Variants in GCNT1 observed in about 807,000 individuals in gnomAD.
The protein encoded by GCNT1 is beta-1,3-galactosyl-O-glycosyl-glycoprotein beta-1,6-N-acetylglucosaminyltransferase.
A neutral mutation model predicts 26.2 loss-of-function variants in GCNT1; 16 were observed. The observed-to-expected ratio is 0.61, with a 90% confidence interval of 0.41 to 0.93. The LOEUF (loss-of-function observed/expected upper bound fraction) is 0.93, where lower values mean the gene tolerates loss of function less well. Among genes scored for constraint, GCNT1 ranks in the 40% least tolerant of loss-of-function variants. The probability of loss-of-function intolerance (pLI) is 0.00; values close to 1 mark genes in which losing one functional copy is unlikely to be tolerated. For missense variants in GCNT1, 477 were observed against 526.7 expected, an observed-to-expected ratio of 0.91 and a Z score of 0.92; for synonymous variants, 183 against 190.8, an observed-to-expected ratio of 0.96 and a Z score of 0.34.
At chr9:76,394,167 C>T in the GCNT1 span, 4 of 1,603,906 alleles carry the variant, frequency 2.5e-6, no homozygotes, top group Non-Finnish European at 3.4e-6. Flanking sequence ...AGGCAGGTGC[C>T]TCATAATGCA....
At chr9:76,430,543 G>A (rs1052876980) in intron 1 of GCNT1, among the ~76,000 whole-genome samples, 2 of 151,662 alleles carry the variant, frequency 1.3e-5, no homozygotes, top group African/African-American at 4.8e-5. Context: ...CACCATGTTC[G>A]ACTAATTTTT....
At chr9:76,406,287 G>T in the GCNT1 span, among the ~76,000 whole-genome samples, 9 of 152,082 alleles carry the variant, frequency 5.9e-5, no homozygotes, top group Admixed American at 2.6e-4. Context: ...TCGAGCCCAG[G>T]AGTTCAAGAC....
Position 76,502,263 on chromosome 9 carries a change from G to A in GCNT1, c.-119G>A, listed in dbSNP as rs955819348. 7.6e-5 allele frequency: 40 copies of A among 523,236 alleles called. No individual in the cohort carries two copies. The highest frequency in any genetic ancestry group is 2.9e-4 in the Middle Eastern group (1 of 3,476). The allele number at this position is 523,236 out of a possible 1,614,324, so 32.4% of individuals were successfully genotyped here. A position where few individuals can be genotyped will look rare whatever the true frequency, so the allele number is the denominator to read the frequency against. The stretch of plus-strand genomic sequence containing the variant: ...GTGCTGCTCTTCATTTCAAGATGCC[G>A]TTGCAGCTCTGATAAATGCAAACTG... On this transcript the variant is annotated 5_prime_UTR_variant, in exon 4 of 4. Transcript: ENST00000376730.
the GCNT1 span, among the ~76,000 whole-genome samples, chr9:76,414,490 G>A: frequency 6.6e-6 from 1 of 152,176 alleles, no homozygotes; most frequent in Non-Finnish European, 1.5e-5. Flanking sequence ...TGAAACAAAA[G>A]AATGGCTATT....
chr9:76,432,632 G>A (rs745692295), intron 1 of GCNT1, among the ~76,000 whole-genome samples: 2 of 152,136 alleles, frequency 1.3e-5, no homozygotes, highest in African/African-American at 2.4e-5. Flanking sequence ...GCTCCACTGT[G>A]CCCATCCTTA....
At chr9:76,450,946 G>A (rs527975587) in intron 1 of GCNT1, among the ~76,000 whole-genome samples, 3 of 152,238 alleles carry the variant, frequency 2.0e-5, no homozygotes, top group Non-Finnish European at 4.4e-5. Context: ...TCTTAAAAGG[G>A]ATCAACCTGT....
At chr9:76,402,442 C>A in the GCNT1 span, among the ~76,000 whole-genome samples, 1 of 152,236 alleles carries the variant, frequency 6.6e-6, no homozygotes, top group Non-Finnish European at 1.5e-5. Flanking sequence ...TTGAAGCACA[C>A]AAATTGTAAA....
chr9:76,438,148 T>C (rs55740812), upstream of GCNT1, among the ~76,000 whole-genome samples: 11,287 of 152,326 alleles, frequency 0.074, 542 homozygotes, highest in Non-Finnish European at 0.11. Context: ...GAGGTCCTGA[T>C]GACATGTGCC....
In GCNT1 at chr9:76,459,222, A is replaced by G. The variant is rs1823818614; in HGVS notation, c.-491A>G. 2.0e-5 allele frequency: 3 copies of G among 152,578 alleles called. No homozygotes were observed. In the South Asian group the frequency reaches 6.2e-4, roughly 32 times the overall value. 9.5% of individuals were successfully genotyped at this position (152,578 alleles called of 1,614,324 possible). The stretch of plus-strand genomic sequence containing the variant: ...CTGCAGGCGCAGCTCCGGAGCGCCT[A>G]GAGCGCGGCGCGGGGCGGGAGCTTG... On this transcript the variant is annotated 5_prime_UTR_variant, in exon 1 of 4. Coordinates refer to ENST00000376730, the MANE Select transcript of GCNT1 (RefSeq NM_001490.5).
intron 1 of GCNT1, among the ~76,000 whole-genome samples, chr9:76,449,629 C>A (rs1823632769): frequency 6.6e-6 from 1 of 152,232 alleles, no homozygotes; most frequent in Non-Finnish European, 1.5e-5. Flanking sequence ...AGAAGCGCAG[C>A]CTCTCCCCAT....
In GCNT1 at chr9:76,503,503, A is replaced by G. The variant is rs1825149018; in HGVS notation, c.1122A>G (p.Gly374=). The G allele has an allele frequency of 3.7e-6, 6 of 1,614,190 alleles. No homozygotes were observed. Among genetic ancestry groups the G allele is most frequent in the Non-Finnish European group, 5.1e-6 (6 of 1,180,034 alleles). ...SKGAPYPPCD[G]VHVRSVCIFG... ...GTGCTCCCTACCCGCCCTGCGATGGAGTCCATGTGCGCTCAGTGTGCATTT... is the reference window on the plus strand; with the variant it reads ...GTGCTCCCTACCCGCCCTGCGATGGGGTCCATGTGCGCTCAGTGTGCATTT... The change falls in exon 4 of 4, where the codon GGA becomes GGG. Residue 374 remains glycine (G), a synonymous_variant. Transcript: ENST00000376730.
At position 76,430,260 on chromosome 9, in the gene GCNT1, C is replaced by T. The variant is rs376741791; in HGVS notation, n.38+10373C>T. Among the ~76,000 whole-genome samples, 65 of 152,288 alleles carry T rather than the reference C, an allele frequency of 4.3e-4. 1 individual carries two copies. The highest frequency in any genetic ancestry group is 1.5e-3 in the African/African-American group (62 of 41,562). ...ACATTCTTGACAACACTTGGTATTA[C>T]ATGACTTTTAAATTTTTTGCCAATC... On this transcript the variant is annotated intron_variant and non_coding_transcript_variant, in intron 1 of 3. Coordinates refer to the GCNT1 transcript ENST00000488136.
At chr9:76,485,826 A>G (rs989767756) in intron 2 of GCNT1, among the ~76,000 whole-genome samples, 1 of 151,754 alleles carries the variant, frequency 6.6e-6, no homozygotes, top group Non-Finnish European at 1.5e-5. Flanking sequence ...TCCGCCTCCC[A>G]GGTTCAAGTG....
intron 2 of GCNT1, among the ~76,000 whole-genome samples, chr9:76,479,233 A>G (rs1476590428): frequency 6.6e-6 from 1 of 152,238 alleles, no homozygotes; most frequent in Non-Finnish European, 1.5e-5. Context: ...TATATGTGCC[A>G]CATTTCTTAA....
At chr9:76,480,970 G>A (rs546770452) in intron 2 of GCNT1, among the ~76,000 whole-genome samples, 2 of 152,116 alleles carry the variant, frequency 1.3e-5, no homozygotes, top group South Asian at 2.1e-4. Context: ...TGGGCGTGGT[G>A]TCTCACGCCT....
upstream of GCNT1, among the ~76,000 whole-genome samples, chr9:76,439,022 T>C (rs535907857): frequency 6.6e-6 from 1 of 152,142 alleles, no homozygotes; most frequent in Non-Finnish European, 1.5e-5. Flanking sequence ...TCGTCAGACT[T>C]ATTAACATTT....
At chr9:76,430,976 G>A (rs532040407) in intron 1 of GCNT1, among the ~76,000 whole-genome samples, 2 of 152,312 alleles carry the variant, frequency 1.3e-5, no homozygotes, top group East Asian at 3.9e-4. Flanking sequence ...ATGAGCCACT[G>A]TACCTGGCCT....
rs184232299 is a variant in GCNT1, at chr9:76,445,030, C to A, written c.-290+2715C>A. 7.9e-5 allele frequency among the ~76,000 whole-genome samples: 12 copies of A among 152,284 alleles called. No homozygotes were observed. The East Asian group carries it at 1.9e-3, about 24-fold the overall frequency. Reference sequence around the variant, plus strand: ...TACTTCAAATATTTACTATCTGGCCCTTTCCAGAAAAGGAAAGCTCTGCTA... The same window carrying A: ...TACTTCAAATATTTACTATCTGGCCATTTCCAGAAAAGGAAAGCTCTGCTA... On this transcript the variant is annotated intron_variant, in intron 1 of 2. Coordinates refer to the GCNT1 transcript ENST00000442371.
At chr9:76,489,276 C>T (rs1824665044) in intron 2 of GCNT1, among the ~76,000 whole-genome samples, 1 of 152,200 alleles carries the variant, frequency 6.6e-6, no homozygotes, top group African/African-American at 2.4e-5. Flanking sequence ...ATTGGTCAAA[C>T]CATAATCATA....
Sources: allele counts gnomAD v4.1 joint callset (sites outside exome capture counted in the v4.1 genomes callset), GRCh38; gene constraint gnomAD v4.1.1; transcripts MANE v1.5; gene names NCBI Gene and HGNC (gene_info 2026-07-23, HGNC 2026-07-21).